Variants in ADAMTS17 observed in about 807,000 individuals in gnomAD.
The protein encoded by ADAMTS17 is A disintegrin and metalloproteinase with thrombospondin motifs 17.
In ADAMTS17, 113 loss-of-function variants were observed where a neutral mutation model predicts 141.5. The observed-to-expected ratio is 0.80, with a 90% CI of 0.69 to 0.93. The LOEUF is 0.93. Among genes scored for constraint, ADAMTS17 ranks in the 40% least tolerant of loss-of-function variants. ADAMTS17 has a pLI of 0.00. For missense variants in ADAMTS17, 1,659 were observed against 1,517.9 expected, an observed-to-expected ratio of 1.09 and a Z score of -1.54; for synonymous variants, 768 against 630.6, an observed-to-expected ratio of 1.22 and a Z score of -3.27.
At chr15:100,113,132 G>A (rs540275137) in intron 13 of ADAMTS17, among the ~76,000 whole-genome samples, 2 of 152,104 alleles carry the variant, frequency 1.3e-5, no homozygotes, top group Non-Finnish European at 2.9e-5. Flanking sequence ...AGGCCTCTGC[G>A]GATTTTACCA....
chr15:100,314,313 G>A (rs969540183), intron 3 of ADAMTS17, among the ~76,000 whole-genome samples: 1 of 152,204 alleles, frequency 6.6e-6, no homozygotes, highest in Non-Finnish European at 1.5e-5. Context: ...AAATGGAAAT[G>A]CAAATGGCGT....
At chr15:100,264,627 A>C (rs77649111) in intron 4 of ADAMTS17, among the ~76,000 whole-genome samples, 2,276 of 152,340 alleles carry the variant, frequency 0.015, 27 homozygotes, top group Non-Finnish European at 0.024. Flanking sequence ...AGGAAGAACA[A>C]AACTGTAGGA....
At chr15:100,301,684 T>G (rs925972148) in intron 3 of ADAMTS17, among the ~76,000 whole-genome samples, 2 of 152,152 alleles carry the variant, frequency 1.3e-5, no homozygotes, top group African/African-American at 4.8e-5. Context: ...GGTAGGCTAT[T>G]CTACTAGTAA....
chr15:100,042,018 T>C (rs183514273), intron 18 of ADAMTS17, among the ~76,000 whole-genome samples: 274 of 152,296 alleles, frequency 1.8e-3, no homozygotes, highest in African/African-American at 6.3e-3. Context: ...GTTCACACCA[T>C]GGGATTCTTG....
At chr15:99,978,333 C>G (rs1211742632) in intron 20 of ADAMTS17, among the ~76,000 whole-genome samples, 1 of 152,168 alleles carries the variant, frequency 6.6e-6, no homozygotes, top group Non-Finnish European at 1.5e-5. Context: ...GATAAACATT[C>G]AGAGGGAATG....
rs766914279 is a variant in ADAMTS17 at position 99,997,490 on chromosome 15, G to A, written c.2691C>T (p.His897=). 10 of 1,613,484 alleles carry A rather than the reference G, an allele frequency of 6.2e-6. No homozygotes were observed. Among genetic ancestry groups the A allele is most frequent in the East Asian group, 2.2e-5 (1 of 44,882 alleles). Residue 897 remains histidine, a synonymous_variant, in exon 19 of 22, where the codon CAC becomes CAT. Coordinates refer to ENST00000268070, the MANE Select transcript of ADAMTS17 (RefSeq NM_139057.4). The surrounding 1 kb of genome is among the most constrained non-coding windows in gnomAD (Gnocchi z 4.7). ...GGCAGTAGAGGGGCCGCGTAGCGAC[G>A]TGTGTGCCGTTCTGCAGCTGGTACA... ...TCVYQLQNGT[H]VATRPLYCPG...
intron 4 of ADAMTS17, among the ~76,000 whole-genome samples, chr15:100,279,274 A>G (rs539273902): frequency 6.6e-6 from 1 of 152,118 alleles, no homozygotes; most frequent in Non-Finnish European, 1.5e-5. Flanking sequence ...GTCAGAGCCA[A>G]CTTCCTCCCC....
Position 100,020,055 on chromosome 15 carries a change from C to T in ADAMTS17, c.2592-22466G>A, listed in dbSNP as rs901369550. ...GGCATAGTTTTCCCAGGACAGCAGC[C>T]GGAATCGTACCCATCAGAAATAAAC... On this transcript the variant is annotated intron_variant, in intron 18 of 21. Transcript: ENST00000268070. Among the ~76,000 whole-genome samples the T allele has an allele frequency of 3.9e-5, 6 of 152,026 alleles. No individual in the cohort carries two copies. In the South Asian group the frequency reaches 6.2e-4, roughly 16 times the overall value.
chr15:100,278,463 G>A (rs185957164), intron 4 of ADAMTS17, among the ~76,000 whole-genome samples: 102 of 152,296 alleles, frequency 6.7e-4, no homozygotes, highest in Admixed American at 1.0e-3. Context: ...AGGCCACGTC[G>A]GAAAGCAGAT....
chr15:100,043,624 A>G (rs925119698), intron 18 of ADAMTS17, among the ~76,000 whole-genome samples: 1 of 152,214 alleles, frequency 6.6e-6, no homozygotes, highest in Non-Finnish European at 1.5e-5. Flanking sequence ...GGACAACCCA[A>G]GGGCGAATAA....
At chr15:100,074,476 AG>A (rs2034225662) in intron 15 of ADAMTS17, among the ~76,000 whole-genome samples, 1 of 152,228 alleles carries the variant, frequency 6.6e-6, no homozygotes, top group South Asian at 2.1e-4. Flanking sequence ...TCAGCATCTA[AG>A]GGCATAGTTT....
intron 4 of ADAMTS17, among the ~76,000 whole-genome samples, chr15:100,264,215 C>A (rs2043630834): frequency 1.3e-5 from 2 of 152,348 alleles, no homozygotes; most frequent in South Asian, 2.1e-4. Context: ...CAAGCCAGTT[C>A]TGAAGTCACA....
chr15:100,091,957 T>C (rs548495814), intron 15 of ADAMTS17, among the ~76,000 whole-genome samples: 1 of 152,358 alleles, frequency 6.6e-6, no homozygotes, highest in East Asian at 1.9e-4. Context: ...GAGGCTAGAC[T>C]GTGCCTTGGT....
At chr15:100,257,679 C>T (rs1235631853) in intron 6 of ADAMTS17, among the ~76,000 whole-genome samples, 1 of 152,246 alleles carries the variant, frequency 6.6e-6, no homozygotes, top group Non-Finnish European at 1.5e-5. Flanking sequence ...TCCAGAACCA[C>T]TCCCATGCAA....
chr15:100,297,947 A>G (rs534375206), intron 3 of ADAMTS17, among the ~76,000 whole-genome samples: 147 of 152,208 alleles, frequency 9.7e-4, no homozygotes, highest in African/African-American at 3.4e-3. Context: ...AAGTCCTGAG[A>G]GGCAGGGCTG....
intron 2 of ADAMTS17, 171 bp downstream of exon 2, chr15:100,340,868 G>A (rs761490303): frequency 7.2e-5 from 74 of 1,033,278 alleles, no homozygotes; most frequent in Non-Finnish European, 9.2e-5. Flanking sequence ...GCCTATAGAG[G>A]GTACCGAAGG....
intron 20 of ADAMTS17, among the ~76,000 whole-genome samples, chr15:99,982,320 C>T (rs1484999779): frequency 6.6e-6 from 1 of 152,234 alleles, no homozygotes; most frequent in Non-Finnish European, 1.5e-5. Context: ...CTTCGGTCAC[C>T]AGGCCCTCCA....
chr15:100,057,377 G>A (rs1481144397), intron 15 of ADAMTS17, among the ~76,000 whole-genome samples: 2 of 152,116 alleles, frequency 1.3e-5, no homozygotes, highest in Non-Finnish European at 2.9e-5. Context: ...AGCCACACCA[G>A]GGCCTGCTCC....
chr15:100,053,289 C>T (rs4606698), intron 16 of ADAMTS17, among the ~76,000 whole-genome samples: 7,834 of 152,182 alleles, frequency 0.051, 275 homozygotes, highest in South Asian at 0.097. Context: ...CAGTGGCTTG[C>T]ATGGAGGCCT....
Sources: allele counts gnomAD v4.1 joint callset (sites outside exome capture counted in the v4.1 genomes callset), GRCh38; gene constraint gnomAD v4.1.1; non-coding constraint Gnocchi (gnomAD v3.1); transcripts MANE v1.5; gene names NCBI Gene and HGNC (gene_info 2026-07-23, HGNC 2026-07-21).